ZNF33B: variants seen among roughly 807,000 people sequenced by gnomAD.
ZNF33B encodes zinc finger protein 33B.
ZNF33B carries 29 observed loss-of-function variants against 45.8 expected under a neutral mutation model. The observed-to-expected ratio is 0.63, with a 90% CI of 0.47 to 0.86. ZNF33B has a LOEUF of 0.86. Ranked by LOEUF, ZNF33B falls within the 40% of genes least tolerant of loss-of-function variation. The pLI, the probability that ZNF33B is intolerant of heterozygous loss-of-function variation, is 0.00. For missense variants in ZNF33B, 831 were observed against 909.9 expected, an observed-to-expected ratio of 0.91 and a Z score of 1.12; for synonymous variants, 305 against 307.8, an observed-to-expected ratio of 0.99 and a Z score of 0.10.
chr10:42,588,540 A>T (rs1020535851), downstream of ZNF33B, among the ~76,000 whole-genome samples: 18 of 152,236 alleles, frequency 1.2e-4, no homozygotes, highest in African/African-American at 4.3e-4. Context: ...GATGCTATAG[A>T]AAGGTTGAAC....
At chr10:42,586,648 A>G (rs1207410989), downstream of ZNF33B, among the ~76,000 whole-genome samples, 1 of 152,216 alleles carries the variant, frequency 6.6e-6, no homozygotes, top group Non-Finnish European at 1.5e-5. Flanking sequence ...CACAGTCATA[A>G]TAGTCTCACA....
In ZNF33B at chr10:42,590,245, A is replaced by C. The variant is rs1355061299; in HGVS notation, c.*2368T>G. 1.3e-5 allele frequency: 2 copies of C among 152,200 alleles called. No homozygotes were observed. Among genetic ancestry groups the C allele is most frequent in the Non-Finnish European group, 2.9e-5 (2 of 68,038 alleles). 9.4% of individuals were successfully genotyped at this position (152,200 alleles called of 1,614,324 possible). ...GGTATTAGGGTAATCCTGGCCTCACAAAATGATTTGGGAAGTGTTATCCCT... is the reference window on the plus strand; with the variant it reads ...GGTATTAGGGTAATCCTGGCCTCACCAAATGATTTGGGAAGTGTTATCCCT... On this transcript the variant is annotated 3_prime_UTR_variant, in exon 5 of 5. Coordinates refer to ENST00000359467, the MANE Select transcript of ZNF33B (RefSeq NM_006955.3).
At chr10:42,626,709 A>ATAAAT (rs906597100) in intron 4 of ZNF33B, among the ~76,000 whole-genome samples, 2 of 151,040 alleles carry the variant, frequency 1.3e-5, no homozygotes, top group African/African-American at 4.8e-5. Context: ...AAATAAATAA[A>ATAAAT]TAAATAAATA....
At position 42,583,736 on chromosome 10, in the gene ZNF33B, T is replaced by C. The variant is rs1836869327; in HGVS notation, c.74-9058A>G. Among the ~76,000 whole-genome samples the C allele has an allele frequency of 3.9e-5, 6 of 152,134 alleles. No homozygotes were observed. The South Asian group carries it at 1.0e-3, about 26-fold the overall frequency. On this transcript the variant is annotated intron_variant, in intron 1 of 1. Transcript: ENST00000462075. ...GGGCCAGTGCAATACTTCCCTTAAC[T>C]CGTCCATATTTTGCAGACTAAATGT...
At chr10:42,585,766 T>G (rs561700775), downstream of ZNF33B, among the ~76,000 whole-genome samples, 7 of 152,220 alleles carry the variant, frequency 4.6e-5, no homozygotes, top group African/African-American at 1.4e-4. Flanking sequence ...CTTTTTGTTA[T>G]AAATAAATTT....
intron 4 of ZNF33B, among the ~76,000 whole-genome samples, chr10:42,602,942 G>A (rs1837688483): frequency 6.6e-6 from 1 of 152,110 alleles, no homozygotes; most frequent in Non-Finnish European, 1.5e-5. Context: ...TCTCCTGCAA[G>A]CCACCAGTGC....
At chr10:42,630,931 G>C (rs1402989564) in intron 4 of ZNF33B, among the ~76,000 whole-genome samples, 2 of 151,958 alleles carry the variant, frequency 1.3e-5, no homozygotes, top group Non-Finnish European at 2.9e-5. Flanking sequence ...TGACTTTTTG[G>C]TCATTCCTGA....
intron 4 of ZNF33B, among the ~76,000 whole-genome samples, chr10:42,604,699 C>T (rs1374284290): frequency 5.3e-5 from 8 of 151,988 alleles, no homozygotes; most frequent in African/African-American, 1.4e-4. Context: ...AATCACCTGA[C>T]GTCTAGGAGT....
rs370236043 is a variant in ZNF33B, at chr10:42,580,851, G to A, written c.74-6173C>T. On this transcript the variant is annotated intron_variant, in intron 1 of 1. Transcript: ENST00000462075. Reference sequence around the variant, plus strand: ...AGAGGTTGCAGTGAGCTAAGATCGCGCCACTGCACTCCAGCCTGGGTAACA... The same window carrying A: ...AGAGGTTGCAGTGAGCTAAGATCGCACCACTGCACTCCAGCCTGGGTAACA... Among the ~76,000 whole-genome samples, 250 of 151,272 alleles carry A rather than the reference G, an allele frequency of 1.7e-3. 2 individuals are homozygous for A. In the East Asian group the frequency reaches 0.021, roughly 12 times the overall value.
chr10:42,578,407 G>A lies in ZNF33B; in HGVS notation c.74-3729C>T, dbSNP rs562821667. 3.3e-5 allele frequency: 5 copies of A among 152,728 alleles called. No homozygotes were observed. In the East Asian group the frequency reaches 9.7e-4, roughly 30 times the overall value. The allele number at this position is 152,728 out of a possible 1,614,324, so 9.5% of individuals were successfully genotyped here. On this transcript the variant is annotated intron_variant, in intron 1 of 1. Transcript: ENST00000462075. ...CCTCCTTCATGGGACAGGCCAACAT[G>A]GTCCTCGGCATCCTGATCCCTGGCT...
chr10:42,636,864 T>C lies in ZNF33B; in HGVS notation c.9+56A>G, dbSNP rs975315123. The C allele has an allele frequency of 1.4e-5, 23 of 1,611,954 alleles. No individual in the cohort carries two copies. In the African/African-American group the frequency reaches 2.4e-4, roughly 17 times the overall value. ...AAAACAAAAAAACCATACTGACTCT[T>C]ACAAATCTCACAAAGTCCACCGCAA... is the stretch of plus-strand genomic sequence containing the variant. On this transcript the variant is annotated intron_variant, in intron 2 of 4. Coordinates refer to ENST00000359467, the MANE Select transcript of ZNF33B (RefSeq NM_006955.3).
chr10:42,621,350 A>G (rs1266166924), intron 4 of ZNF33B, among the ~76,000 whole-genome samples: 1 of 151,920 alleles, frequency 6.6e-6, no homozygotes, highest in Non-Finnish European at 1.5e-5. Context: ...TACAAATGCA[A>G]ATGAATAAAT....
At chr10:42,626,561 G>A (rs961804779) in intron 4 of ZNF33B, among the ~76,000 whole-genome samples, 2 of 151,992 alleles carry the variant, frequency 1.3e-5, no homozygotes, top group African/African-American at 2.4e-5. Flanking sequence ...GGTCGCATGC[G>A]CCTGTAGTCA....
At chr10:42,583,057 CCT>C in intron 1 of ZNF33B, 1 of 835,582 alleles carries the variant, frequency 1.2e-6, no homozygotes, top group Non-Finnish European at 2.1e-6. Context: ...AGTGCAGAGT[CCT>C]CTTCTTCCAG....
intron 4 of ZNF33B, among the ~76,000 whole-genome samples, chr10:42,627,008 C>CTT (rs111639981): frequency 3.4e-5 from 5 of 145,448 alleles, no homozygotes; most frequent in East Asian, 2.0e-4. Context: ...TGTCATTTTT[C>CTT]TTTTTTTTTT....
chr10:42,617,078 T>G (rs1488509995), intron 4 of ZNF33B, among the ~76,000 whole-genome samples: 1 of 150,076 alleles, frequency 6.7e-6, no homozygotes, highest in African/African-American at 2.4e-5. Context: ...TGAAGAAAAT[T>G]GTTCATTTTT....
intron 4 of ZNF33B, among the ~76,000 whole-genome samples, chr10:42,623,072 G>A (rs1036218392): frequency 6.6e-6 from 1 of 152,184 alleles, no homozygotes; most frequent in African/African-American, 2.4e-5. Flanking sequence ...TTCAAGACAA[G>A]CCTGGCCAAC....
intron 4 of ZNF33B, among the ~76,000 whole-genome samples, chr10:42,600,351 T>A (rs1434197237): frequency 6.6e-6 from 1 of 152,162 alleles, no homozygotes; most frequent in Non-Finnish European, 1.5e-5. Flanking sequence ...AGATTTTGCT[T>A]CAAATATTTT....
chr10:42,586,463 G>C (rs1012512582), downstream of ZNF33B, among the ~76,000 whole-genome samples: 3 of 152,062 alleles, frequency 2.0e-5, no homozygotes, highest in Admixed American at 6.5e-5. Context: ...GTTTTTCAAA[G>C]AGACGAAGTC....
Sources: allele counts gnomAD v4.1 joint callset (sites outside exome capture counted in the v4.1 genomes callset), GRCh38; gene constraint gnomAD v4.1.1; transcripts MANE v1.5; gene names NCBI Gene and HGNC (gene_info 2026-07-23, HGNC 2026-07-21).